DPP6: variants seen among roughly 807,000 people sequenced by gnomAD.
DPP6 encodes dipeptidyl peptidase like 6.
In DPP6, 69 loss-of-function variants were observed where a neutral mutation model predicts 122.6. That is an observed-to-expected ratio of 0.56 (90% confidence interval 0.46 to 0.69). The LOEUF (loss-of-function observed/expected upper bound fraction) is 0.69. Ranked by LOEUF, DPP6 falls within the 30% of genes least tolerant of loss-of-function variation. The pLI is 0.00. For synonymous variants in DPP6, 418 were observed against 433.1 expected (o/e 0.97, Z 0.43); for missense variants, 928 against 1,116.9 (o/e 0.83, Z 2.41).
intron 1 of DPP6, among the ~76,000 whole-genome samples, chr7:154,409,371 A>C (rs286843): frequency 0.92 from 139,876 of 152,168 alleles, 64,550 homozygotes; most frequent in East Asian, 1. Flanking sequence ...GCAGATGAAA[A>C]GAGTCCTGCT....
At chr7:153,878,998 A>T in the DPP6 span, among the ~76,000 whole-genome samples, 1 of 152,098 alleles carries the variant, frequency 6.6e-6, no homozygotes, top group Non-Finnish European at 1.5e-5. Flanking sequence ...AGACAACAGA[A>T]AAAGAAAAAA....
chr7:154,115,138 C>T (rs1457939501), intron 1 of DPP6, among the ~76,000 whole-genome samples: 3 of 152,180 alleles, frequency 2.0e-5, no homozygotes, highest in African/African-American at 7.2e-5. Context: ...TTCCTGGCTG[C>T]CCTTGGAACA....
chr7:154,088,980 C>T (rs1176376241), intron 1 of DPP6, among the ~76,000 whole-genome samples: 8 of 152,152 alleles, frequency 5.3e-5, no homozygotes, highest in Admixed American at 5.2e-4. Flanking sequence ...GCCCTGTCCT[C>T]TGGAAGGATG....
At chr7:153,918,425 A>G (rs1285853339) in intron 1 of DPP6, among the ~76,000 whole-genome samples, 2 of 100,690 alleles carry the variant, frequency 2.0e-5, no homozygotes, top group Non-Finnish European at 3.9e-5. Context: ...AGAGTTAATT[A>G]AAACACACAC....
chr7:154,027,247 G>T (rs1798993635), intron 1 of DPP6, among the ~76,000 whole-genome samples: 1 of 151,648 alleles, frequency 6.6e-6, no homozygotes, highest in African/African-American at 2.4e-5. Flanking sequence ...AATTTTTGAG[G>T]ACTCTTAACT....
At chr7:154,063,139 A>G (rs1453831814) in intron 1 of DPP6, among the ~76,000 whole-genome samples, 75 of 70,924 alleles carry the variant, frequency 1.1e-3, no homozygotes, top group African/African-American at 1.5e-3. Context: ...CCCCCACGAG[A>G]GTGGGGACTG....
At chr7:153,934,651 C>G (rs775038159) in intron 1 of DPP6, among the ~76,000 whole-genome samples, 3 of 152,178 alleles carry the variant, frequency 2.0e-5, no homozygotes, top group Non-Finnish European at 1.5e-5. Flanking sequence ...TACACACTCA[C>G]GTACATACAA....
At chr7:154,108,336 T>C (rs1488432796) in intron 1 of DPP6, among the ~76,000 whole-genome samples, 1 of 152,184 alleles carries the variant, frequency 6.6e-6, no homozygotes, top group African/African-American at 2.4e-5. Context: ...CAGAAATCTT[T>C]AGTAAACCAA....
At chr7:154,623,651 A>ACGCAGCCACGCG (rs55655116) in intron 5 of DPP6, among the ~76,000 whole-genome samples, 2 of 144,672 alleles carry the variant, frequency 1.4e-5, no homozygotes, top group South Asian at 2.1e-4. Flanking sequence ...ACGCGCACAC[A>ACGCAGCCACGCG]CGCGCACACA....
the DPP6 span, among the ~76,000 whole-genome samples, chr7:153,813,312 T>C: frequency 2.6e-5 from 4 of 152,122 alleles, no homozygotes; most frequent in Non-Finnish European, 2.9e-5. Flanking sequence ...TTACTGAGAA[T>C]GATGATTTCC....
At chr7:154,575,442 G>GTGTGTGTATGTGTGATA (rs1691692923) in intron 5 of DPP6, among the ~76,000 whole-genome samples, 1 of 104,708 alleles carries the variant, frequency 9.6e-6, no homozygotes, top group African/African-American at 4.2e-5. Flanking sequence ...TATGTGTGTG[G>GTGTGTGTATGTGTGATA]TGTGTGTATG....
intron 2 of DPP6, among the ~76,000 whole-genome samples, chr7:154,467,033 G>A (rs967645829): frequency 2.0e-5 from 3 of 152,166 alleles, no homozygotes; most frequent in African/African-American, 4.8e-5. Flanking sequence ...GTAGTGGGAC[G>A]GGTATAGGAT....
At chr7:154,141,252 G>C (rs1183154069) in intron 1 of DPP6, among the ~76,000 whole-genome samples, 1 of 152,186 alleles carries the variant, frequency 6.6e-6, no homozygotes, top group East Asian at 1.9e-4. Context: ...GTTGCCTTCT[G>C]GCGAATTAAA....
In DPP6 at chr7:153,971,823, G is replaced by T. The variant is rs544588260; in HGVS notation, c.51+84089G>T. On this transcript the variant is annotated intron_variant, in intron 1 of 25. Coordinates refer to the DPP6 transcript ENST00000404039. ...CCTCTCCAACACCCTGCTCCATAACGTCTAGCTTTACCGAACTCCTGGAAC... is the reference window on the plus strand; with the variant it reads ...CCTCTCCAACACCCTGCTCCATAACTTCTAGCTTTACCGAACTCCTGGAAC... Among the ~76,000 whole-genome samples, 770 of 142,608 alleles carry T rather than the reference G, an allele frequency of 5.4e-3. 9 individuals are homozygous for T. The highest frequency in any genetic ancestry group is 0.019 in the African/African-American group (737 of 38,292). The allele number at this position is 142,608 out of a possible 152,430, so 93.6% of individuals were successfully genotyped here.
intron 1 of DPP6, among the ~76,000 whole-genome samples, chr7:154,243,957 G>T (rs988231640): frequency 1.3e-5 from 2 of 151,848 alleles, no homozygotes; most frequent in East Asian, 3.9e-4. Context: ...CATGTAAGTT[G>T]CGTCTCAACA....
At chr7:154,390,854 C>T (rs1814555932) in intron 1 of DPP6, among the ~76,000 whole-genome samples, 1 of 152,244 alleles carries the variant, frequency 6.6e-6, no homozygotes, top group East Asian at 1.9e-4. Context: ...CTCCTGTGCC[C>T]GTTGCCATGC....
intron 1 of DPP6, among the ~76,000 whole-genome samples, chr7:154,243,465 GA>G (rs879311419): frequency 2.0e-4 from 31 of 152,144 alleles, no homozygotes; most frequent in South Asian, 6.2e-4. Flanking sequence ...TTTTAGAACT[GA>G]AAATATGTAG....
chr7:154,512,361 C>T (rs1000656529), intron 3 of DPP6, among the ~76,000 whole-genome samples: 6 of 152,122 alleles, frequency 3.9e-5, no homozygotes, highest in African/African-American at 1.4e-4. Context: ...CTTTGAAGCA[C>T]GCTGTATTAT....
At chr7:154,399,517 A>G (rs779305351) in intron 1 of DPP6, among the ~76,000 whole-genome samples, 15 of 152,244 alleles carry the variant, frequency 9.9e-5, no homozygotes, top group African/African-American at 3.6e-4. Context: ...TGGATTAGAA[A>G]TTGGAACCTC....
Sources: gnomAD v4.1 joint callset for allele counts (sites outside exome capture counted in the v4.1 genomes callset) on GRCh38, gnomAD v4.1.1 for gene constraint, MANE v1.5 for transcripts, NCBI Gene and HGNC (gene_info 2026-07-23, HGNC 2026-07-21) for gene names.